Variants in MGA observed in about 807,000 individuals in gnomAD.
MGA encodes MAX dimerization protein MGA, also known as MAX gene-associated protein.
A neutral mutation model predicts 261.1 loss-of-function variants in MGA; 40 were observed. That is an observed-to-expected ratio of 0.15 (90% confidence interval 0.12 to 0.20). The LOEUF (loss-of-function observed/expected upper bound fraction) is 0.20. MGA is among the 10% of genes least tolerant of loss of function. The pLI is 1.00. For missense variants in MGA, 3,397 were observed against 3,630.5 expected, an observed-to-expected ratio of 0.94 and a Z score of 1.65; for synonymous variants, 1,302 against 1,290.6, an observed-to-expected ratio of 1.01 and a Z score of -0.19.
At position 41,710,982 on chromosome 15, in the gene MGA, C is replaced by G; in HGVS notation, c.2717C>G (p.Thr906Ser). ...GCAAAGTCTCAAAACAGACAGGCAA[C>G]TTTCAGTGGCCGAACTAAATCATCT... The change falls in exon 8 of 24, where the codon ACT becomes AGT. Residue 906 changes from threonine to serine, a missense_variant. Transcript: ENST00000219905. 1 of 1,614,004 alleles carries G rather than the reference C, an allele frequency of 6.2e-7. No homozygotes were observed. The highest frequency in any genetic ancestry group is 8.5e-7 in the Non-Finnish European group (1 of 1,179,882).
At chr15:41,704,359 C>T (rs1404025879) in intron 5 of MGA, among the ~76,000 whole-genome samples, 2 of 151,874 alleles carry the variant, frequency 1.3e-5, no homozygotes, top group Non-Finnish European at 2.9e-5. Flanking sequence ...CTGAATGTTA[C>T]ATTAAATTAG....
intron 9 of MGA, among the ~76,000 whole-genome samples, chr15:41,714,769 AATAGGCATGAGCCACT>A (rs2060544501): frequency 6.6e-6 from 1 of 152,202 alleles, no homozygotes; most frequent in South Asian, 2.1e-4. Flanking sequence ...CTAGGATTAT[AATAGGCATGAGCCACT>A]GTACCCAATT....
intron 2 of MGA, among the ~76,000 whole-genome samples, chr15:41,689,533 CTG>C (rs1251392001): frequency 6.7e-6 from 1 of 149,420 alleles, no homozygotes. Flanking sequence ...GTTTCTGGAT[CTG>C]TGTTTATTTT....
chr15:41,673,091 ACT>A (rs954941817), intron 2 of MGA, among the ~76,000 whole-genome samples: 2 of 151,676 alleles, frequency 1.3e-5, no homozygotes, highest in African/African-American at 4.8e-5. Context: ...GGTTCTCCTA[ACT>A]CTTGATTTTT....
rs765711634 is a variant in MGA at position 41,762,343 on chromosome 15, A to G, written c.7725A>G (p.Arg2575=). 7 of 1,613,330 alleles carry G rather than the reference A, an allele frequency of 4.3e-6. No homozygotes were observed. Among genetic ancestry groups the G allele is most frequent in the East Asian group, 4.5e-5 (2 of 44,864 alleles). Reference sequence around the variant, plus strand: ...GGGGGAAACCTTTGATTCTTTCCAGAAAAAAAGACCAGGCCACAGGTAGGA... The same window carrying G: ...GGGGGAAACCTTTGATTCTTTCCAGGAAAAAAGACCAGGCCACAGGTAGGA... Residue 2575 remains arginine, a synonymous_variant, in exon 22 of 24, where the codon AGA becomes AGG. Transcript: ENST00000219905.
chr15:41,640,979 A>G (rs752571390), intron 1 of MGA, among the ~76,000 whole-genome samples: 1 of 152,240 alleles, frequency 6.6e-6, no homozygotes. Context: ...ACTCATTAGC[A>G]GTCATTCCCT....
intron 1 of MGA, among the ~76,000 whole-genome samples, chr15:41,622,421 C>G (rs974224301): frequency 1.3e-5 from 2 of 152,152 alleles, no homozygotes; most frequent in Non-Finnish European, 2.9e-5. Flanking sequence ...CCCACAGCCA[C>G]TCCCCTCTCA....
upstream of MGA, among the ~76,000 whole-genome samples, chr15:41,656,344 T>TCTCTCTG (rs149903830): frequency 1.7e-5 from 1 of 59,988 alleles, no homozygotes; most frequent in East Asian, 8.5e-4. Context: ...CTCTCCTCTC[T>TCTCTCTG]TCTCTCTCTC....
chr15:41,700,044 T>G (rs1358735363), intron 5 of MGA, among the ~76,000 whole-genome samples: 1 of 139,614 alleles, frequency 7.2e-6, no homozygotes, highest in African/African-American at 2.7e-5. Flanking sequence ...CATCGAGGTT[T>G]TTTTTTTTTT....
intron 20 of MGA, 49 bp downstream of exon 20, chr15:41,760,578 A>G: frequency 6.4e-7 from 1 of 1,569,696 alleles, no homozygotes; most frequent in South Asian, 1.1e-5. Flanking sequence ...AGAGATTCTT[A>G]CCGATGATAT....
intron 15 of MGA, among the ~76,000 whole-genome samples, chr15:41,746,063 T>G (rs1377989281): frequency 4.6e-5 from 7 of 152,246 alleles, no homozygotes; most frequent in South Asian, 2.1e-4. Context: ...AATTTGATTT[T>G]TCTCCTTTTC....
intron 1 of MGA, among the ~76,000 whole-genome samples, chr15:41,653,537 C>A (rs538282648): frequency 1.3e-5 from 2 of 151,784 alleles, no homozygotes; most frequent in East Asian, 3.9e-4. Flanking sequence ...AAGACCCCAT[C>A]TCTACGTTAA....
chr15:41,764,327 C>T (rs925105378), intron 22 of MGA, among the ~76,000 whole-genome samples: 3 of 147,860 alleles, frequency 2.0e-5, no homozygotes, highest in South Asian at 2.1e-4. Flanking sequence ...AATCTAGGCT[C>T]ACTGCCAGCT....
chr15:41,733,323 C>G (rs1221383753), intron 11 of MGA, among the ~76,000 whole-genome samples: 2 of 152,132 alleles, frequency 1.3e-5, no homozygotes, highest in Non-Finnish European at 2.9e-5. Context: ...AGAGGGCAGT[C>G]TCTCCTGATT....
chr15:41,713,713 G>A (rs548326022), intron 9 of MGA, among the ~76,000 whole-genome samples: 4 of 152,174 alleles, frequency 2.6e-5, no homozygotes, highest in African/African-American at 7.2e-5. Flanking sequence ...TTGCTTTTTT[G>A]TGCTAAATTT....
At chr15:41,731,999 A>G (rs2061531690) in intron 11 of MGA, among the ~76,000 whole-genome samples, 1 of 152,166 alleles carries the variant, frequency 6.6e-6, no homozygotes, top group Non-Finnish European at 1.5e-5. Context: ...GGTTGGTGGT[A>G]TTATCCCCAT....
intron 17 of MGA, among the ~76,000 whole-genome samples, chr15:41,754,011 T>G (rs961215282): frequency 6.6e-6 from 1 of 152,100 alleles, no homozygotes; most frequent in African/African-American, 2.4e-5. Flanking sequence ...CTCGAACTCC[T>G]GGCCTCAAGC....
At chr15:41,660,102 C>A (rs2057302699), upstream of MGA, among the ~76,000 whole-genome samples, 1 of 152,252 alleles carries the variant, frequency 6.6e-6, no homozygotes, top group South Asian at 2.1e-4. Context: ...GAGAAAGGCC[C>A]GCCGGGCATT....
intron 1 of MGA, among the ~76,000 whole-genome samples, chr15:41,622,150 G>T (rs1258731495): frequency 1.3e-5 from 2 of 152,080 alleles, no homozygotes; most frequent in East Asian, 3.9e-4. Context: ...ACATCGAAGC[G>T]TGGCAAGCGT....
Sources: allele counts gnomAD v4.1 joint callset (sites outside exome capture counted in the v4.1 genomes callset), GRCh38; gene constraint gnomAD v4.1.1; transcripts MANE v1.5; gene names NCBI Gene and HGNC (gene_info 2026-07-23, HGNC 2026-07-21).